SLC16A10: variants seen among roughly 807,000 people sequenced by gnomAD.
The protein encoded by SLC16A10 is monocarboxylate transporter 10.
In SLC16A10, 27 loss-of-function variants were observed where a neutral mutation model predicts 40.0. The observed-to-expected ratio is 0.67, with a 90% CI of 0.50 to 0.93. SLC16A10 has a LOEUF of 0.93. Among genes scored for constraint, SLC16A10 ranks in the 40% least tolerant of loss-of-function variants. SLC16A10 has a pLI of 0.00. For synonymous variants in SLC16A10, 213 were observed against 249.8 expected (o/e 0.85, Z 1.39); for missense variants, 529 against 658.2 (o/e 0.80, Z 2.15).
intron 3 of SLC16A10, among the ~76,000 whole-genome samples, chr6:111,193,840 G>A (rs1346710115): frequency 2.0e-5 from 3 of 152,174 alleles, no homozygotes; most frequent in East Asian, 3.8e-4. Flanking sequence ...AACAGCAGTA[G>A]TGTATTTTTG....
intron 1 of SLC16A10, among the ~76,000 whole-genome samples, chr6:111,146,042 T>C (rs1002766489): frequency 6.6e-6 from 1 of 152,052 alleles, no homozygotes; most frequent in African/African-American, 2.4e-5. Flanking sequence ...TGGGAGATAA[T>C]TTTTTGCAAA....
chr6:111,197,686 C>T (rs897982055), intron 3 of SLC16A10, among the ~76,000 whole-genome samples: 5 of 152,014 alleles, frequency 3.3e-5, no homozygotes, highest in Non-Finnish European at 4.4e-5. Context: ...GGAAGCATGG[C>T]CCCAGCATCT....
chr6:111,117,861 G>T lies in SLC16A10; in HGVS notation c.343+29766G>T, dbSNP rs542468194. On this transcript the variant is annotated intron_variant, in intron 1 of 5. Coordinates refer to ENST00000368851, the MANE Select transcript of SLC16A10 (RefSeq NM_018593.5). ...TAAGTAAACAAGTCCCAGGGACCCAGCAGTGAACCTGTGTCTTAGGACTTC... is the reference window on the plus strand; with the variant it reads ...TAAGTAAACAAGTCCCAGGGACCCATCAGTGAACCTGTGTCTTAGGACTTC... Among the ~76,000 whole-genome samples the T allele has an allele frequency of 5.3e-5, 8 of 152,336 alleles. No individual in the cohort carries two copies. The East Asian group carries it at 1.5e-3, about 29-fold the overall frequency.
At chr6:111,155,407 C>G (rs1424761465) in intron 1 of SLC16A10, among the ~76,000 whole-genome samples, 1 of 151,372 alleles carries the variant, frequency 6.6e-6, no homozygotes, top group Non-Finnish European at 1.5e-5. Flanking sequence ...CCTAGATTGT[C>G]CAGGCTGGTC....
chr6:111,203,365 A>G (rs762191470), intron 3 of SLC16A10, among the ~76,000 whole-genome samples: 7 of 152,168 alleles, frequency 4.6e-5, no homozygotes, highest in Non-Finnish European at 8.8e-5. Context: ...TTTGGTGGGA[A>G]TAGGGAGGAG....
chr6:111,182,958 T>C (rs987480541), intron 3 of SLC16A10, among the ~76,000 whole-genome samples: 4 of 152,236 alleles, frequency 2.6e-5, no homozygotes, highest in African/African-American at 9.6e-5. Flanking sequence ...CCTGGATCAC[T>C]GCCAGAGCCT....
chr6:111,089,190 TAATA>T (rs1209149515), intron 1 of SLC16A10, among the ~76,000 whole-genome samples: 2 of 152,198 alleles, frequency 1.3e-5, no homozygotes, highest in Non-Finnish European at 2.9e-5. Flanking sequence ...GGCAAGACTG[TAATA>T]AATTCTGAGA....
intron 1 of SLC16A10, among the ~76,000 whole-genome samples, chr6:111,166,770 G>T (rs1478937791): frequency 1.3e-5 from 2 of 152,198 alleles, no homozygotes; most frequent in Non-Finnish European, 2.9e-5. Context: ...TGAGTGATTT[G>T]CATCCTGCTT....
Position 111,130,862 on chromosome 6 carries a change from T to C in SLC16A10, c.344-41833T>C, listed in dbSNP as rs575011693. The stretch of plus-strand genomic sequence containing the variant: ...ACTGTGTCTGATTTTGAATCCTGGC[T>C]GAGTTACTAGCTATGTAATCTTGAG... On this transcript the variant is annotated intron_variant, in intron 1 of 5. Transcript: ENST00000368851. Among the ~76,000 whole-genome samples the C allele has an allele frequency of 6.6e-5, 10 of 152,372 alleles. No individual in the cohort carries two copies. The South Asian group carries it at 1.9e-3, about 28-fold the overall frequency.
intron 1 of SLC16A10, among the ~76,000 whole-genome samples, chr6:111,110,972 A>G (rs1771374562): frequency 6.6e-6 from 1 of 152,186 alleles, no homozygotes; most frequent in Non-Finnish European, 1.5e-5. Flanking sequence ...TATATAGCAT[A>G]AAATTACCAT....
intron 2 of SLC16A10, among the ~76,000 whole-genome samples, 189 bp from the exon 3 acceptor site, chr6:111,177,023 T>G (rs1249545034): frequency 6.6e-6 from 1 of 152,182 alleles, no homozygotes; most frequent in Non-Finnish European, 1.5e-5. Context: ...TAAAATACGT[T>G]TAGTGCTACA....
At chr6:111,209,432 T>C (rs1263732044) in intron 4 of SLC16A10, among the ~76,000 whole-genome samples, 1 of 152,178 alleles carries the variant, frequency 6.6e-6, no homozygotes, top group Non-Finnish European at 1.5e-5. Context: ...CAATATGCAG[T>C]AGATCTAAGT....
chr6:111,174,673 G>A (rs980064183), intron 2 of SLC16A10, among the ~76,000 whole-genome samples: 1 of 151,986 alleles, frequency 6.6e-6, no homozygotes, highest in Non-Finnish European at 1.5e-5. Flanking sequence ...TCATCAGATA[G>A]CTTCTTTGAT....
chr6:111,168,067 C>T (rs1413257402), intron 1 of SLC16A10, among the ~76,000 whole-genome samples: 4 of 151,980 alleles, frequency 2.6e-5, no homozygotes, highest in African/African-American at 9.7e-5. Context: ...GGAAACTCCA[C>T]CTCCCAGATT....
chr6:111,120,793 C>G (rs918218972), intron 1 of SLC16A10, among the ~76,000 whole-genome samples: 5 of 151,916 alleles, frequency 3.3e-5, no homozygotes, highest in Non-Finnish European at 7.4e-5. Context: ...TCTCGATGTC[C>G]CAATCATTGT....
intron 1 of SLC16A10, among the ~76,000 whole-genome samples, chr6:111,132,678 A>G (rs957049327): frequency 6.6e-6 from 1 of 152,224 alleles, no homozygotes; most frequent in Non-Finnish European, 1.5e-5. Flanking sequence ...TAACTTATTA[A>G]CCACTGAAAA....
At chr6:111,127,381 C>T (rs1219840722) in intron 1 of SLC16A10, among the ~76,000 whole-genome samples, 1 of 152,050 alleles carries the variant, frequency 6.6e-6, no homozygotes, top group Admixed American at 6.5e-5. Flanking sequence ...GCACAGAAGC[C>T]GAAAGGCAGG....
At chr6:111,099,975 T>C (rs1437454808) in intron 1 of SLC16A10, among the ~76,000 whole-genome samples, 1 of 149,604 alleles carries the variant, frequency 6.7e-6, no homozygotes, top group Admixed American at 6.7e-5. Flanking sequence ...TGAGCCAAGA[T>C]TGCTCCACTG....
At chr6:111,167,082 T>G (rs541513413) in intron 1 of SLC16A10, among the ~76,000 whole-genome samples, 19 of 152,352 alleles carry the variant, frequency 1.2e-4, no homozygotes, top group Admixed American at 3.3e-4. Flanking sequence ...GAGAAATCTC[T>G]TATTTGTTTT....
Sources: gnomAD v4.1 joint callset for allele counts (sites outside exome capture counted in the v4.1 genomes callset) on GRCh38, gnomAD v4.1.1 for gene constraint, MANE v1.5 for transcripts, NCBI Gene and HGNC (gene_info 2026-07-23, HGNC 2026-07-21) for gene names.